RGL3: variants seen among roughly 807,000 people sequenced by gnomAD.
RGL3 encodes the protein ral guanine nucleotide dissociation stimulator-like 3.
RGL3 carries 85 observed loss-of-function variants against 90.6 expected under a neutral mutation model. The ratio of observed to expected loss-of-function variants is 0.94; its 90% confidence interval spans 0.79 to 1.12. The LOEUF is 1.12. RGL3 is among the 50% of genes most tolerant of loss of function. The probability of loss-of-function intolerance (pLI) is 0.00; values close to 1 mark genes in which losing one functional copy is unlikely to be tolerated. For synonymous variants in RGL3, 408 were observed against 385.5 expected, an observed-to-expected ratio of 1.06 and a Z score of -0.68; for missense variants, 1,034 against 939.2, an observed-to-expected ratio of 1.10 and a Z score of -1.32.
At chr19:11,410,949 C>T (rs1168902964) in intron 5 of RGL3, among the ~76,000 whole-genome samples, 1 of 152,066 alleles carries the variant, frequency 6.6e-6, no homozygotes, top group African/African-American at 2.4e-5. Context: ...TGACTCATGT[C>T]TGTAATCCCG....
At chr19:11,406,690 T>C in intron 6 of RGL3, 32 bp downstream of exon 6, 11 of 1,611,310 alleles carry the variant, frequency 6.8e-6, no homozygotes, top group Non-Finnish European at 8.5e-6. Flanking sequence ...CCCCTCACTG[T>C]GGCTCATCCC....
At chr19:11,419,139 G>T in intron 1 of RGL3, 107 bp downstream of exon 1, 3 of 1,276,430 alleles carry the variant, frequency 2.4e-6, no homozygotes, top group Non-Finnish European at 2.2e-6. Context: ...GGGACTCCAG[G>T]GCAAGTTCAG....
chr19:11,418,792 C>A lies in RGL3; in HGVS notation c.34-8G>T. On this transcript the variant is annotated splice_polypyrimidine_tract_variant and splice_region_variant and intron_variant, in intron 1 of 18. Coordinates refer to ENST00000380456, the MANE Select transcript of RGL3 (RefSeq NM_001035223.4). Reference sequence around the variant, plus strand: ...CCAGTCCTGCAGCGGTGCCTGGACGCACAGGCGGACTCAGGGCACCAAAGG... The same window carrying A: ...CCAGTCCTGCAGCGGTGCCTGGACGAACAGGCGGACTCAGGGCACCAAAGG... The A allele has an allele frequency of 6.5e-7, 1 of 1,537,788 alleles. No homozygotes were observed. The highest frequency in any genetic ancestry group is 8.7e-7 in the Non-Finnish European group (1 of 1,144,508).
intron 7 of RGL3, 33 bp downstream of exon 7, chr19:11,406,386 C>T: frequency 2.0e-6 from 3 of 1,517,172 alleles, no homozygotes; most frequent in African/African-American, 1.4e-5. Flanking sequence ...CCAGGGCCCG[C>T]CCCCGCATCC....
chr19:11,396,382 C>T (rs1440733083), intron 18 of RGL3, among the ~76,000 whole-genome samples: 2 of 150,300 alleles, frequency 1.3e-5, no homozygotes, highest in Non-Finnish European at 3.0e-5. Context: ...GTTGGCCAGG[C>T]TGGTCTCGAA....
chr19:11,394,326 G>A lies in RGL3; in HGVS notation c.*76C>T. 1 of 1,115,710 alleles carries A rather than the reference G, an allele frequency of 9.0e-7. No homozygotes were observed. Among genetic ancestry groups the A allele is most frequent in the African/African-American group, 1.5e-5 (1 of 65,344 alleles). The allele number at this position is 1,115,710 out of a possible 1,614,324, so 69.1% of individuals were successfully genotyped here. Reference sequence around the variant, plus strand: ...TACACAGCACAGTGGCCTCTACTGGGGGATGGCAGCTTTCCAGGAGAAGAG... The same window carrying A: ...TACACAGCACAGTGGCCTCTACTGGAGGATGGCAGCTTTCCAGGAGAAGAG... On this transcript the variant is annotated 3_prime_UTR_variant, in exon 19 of 19. Transcript: ENST00000380456.
chr19:11,400,958 C>A (rs896166364), intron 13 of RGL3, among the ~76,000 whole-genome samples: 2 of 151,960 alleles, frequency 1.3e-5, no homozygotes, highest in Admixed American at 6.6e-5. Flanking sequence ...TGGTTAGGGT[C>A]ACAGTTATAT....
chr19:11,394,663 T>C, intron 18 of RGL3, 143 bp from the exon 19 acceptor site: 1 of 647,576 alleles, frequency 1.5e-6, no homozygotes, highest in Non-Finnish European at 2.8e-6. Flanking sequence ...AAGCTCATTC[T>C]GCTGTCACTG....
At chr19:11,401,835 C>T (rs957731794) in intron 13 of RGL3, among the ~76,000 whole-genome samples, 176 bp downstream of exon 13, 31 of 152,156 alleles carry the variant, frequency 2.0e-4, no homozygotes, top group African/African-American at 6.5e-4. Flanking sequence ...AGTAAACCAC[C>T]AGGCCCAGTC....
Position 11,399,846 on chromosome 19 carries a change from T to TCTTGGTAC in RGL3, c.1746+1_1746+8dup, listed in dbSNP as rs780955123. 6.8e-7 allele frequency: 1 copy of TCTTGGTAC among 1,461,170 alleles called. No homozygotes were observed. Among genetic ancestry groups the TCTTGGTAC allele is most frequent in the Admixed American group, 2.5e-5 (1 of 40,102 alleles). The allele number at this position is 1,461,170 out of a possible 1,614,324, so 90.5% of individuals were successfully genotyped here. ...CAGGCCCGCATGCACACACAAGCCG[T>TCTTGGTAC]CTTGGTACCTTGGTGCTGGGGCCCT... On this transcript the variant is annotated intron_variant, in intron 16 of 18. Coordinates refer to ENST00000380456, the MANE Select transcript of RGL3 (RefSeq NM_001035223.4).
rs1392745190 is a variant in RGL3, at chr19:11,397,231, C to T, written c.2014+13G>A. The T allele has an allele frequency of 6.2e-7, 1 of 1,610,812 alleles. No homozygotes were observed. Among genetic ancestry groups the T allele is most frequent in the African/African-American group, 1.3e-5 (1 of 74,854 alleles). On this transcript the variant is annotated intron_variant, in intron 18 of 18. Transcript: ENST00000380456. ...CTGCCCCCTATCCTGAGCTCCAACC[C>T]ATCCCTGCTCACCCCGGTCCCCAGG...
At chr19:11,396,918 T>C (rs1968583281) in intron 18 of RGL3, among the ~76,000 whole-genome samples, 1 of 152,148 alleles carries the variant, frequency 6.6e-6, no homozygotes, top group Middle Eastern at 3.4e-3. Context: ...TCCGCCCAGC[T>C]TGACCTCCCA....
intron 5 of RGL3, among the ~76,000 whole-genome samples, chr19:11,414,157 A>ATATATATACC (rs1968922601): frequency 9.9e-6 from 1 of 101,330 alleles, no homozygotes; most frequent in African/African-American, 3.9e-5. Flanking sequence ...ATATATATAT[A>ATATATATACC]TATATATATA....
chr19:11,400,133 G>T lies in RGL3; in HGVS notation c.1581-25C>A, dbSNP rs1208299572. ...CCTAAGGATGGGGACAGGGGATGAGGCTAAGGCAGGAGCAGCCCTTGCTGA... is the reference window on the plus strand; with the variant it reads ...CCTAAGGATGGGGACAGGGGATGAGTCTAAGGCAGGAGCAGCCCTTGCTGA... On this transcript the variant is annotated intron_variant, in intron 14 of 18. Coordinates refer to ENST00000380456, the MANE Select transcript of RGL3 (RefSeq NM_001035223.4). The T allele has an allele frequency of 2.5e-6, 4 of 1,596,118 alleles. No homozygotes were observed. The East Asian group carries it at 9.1e-5, about 36-fold the overall frequency.
At chr19:11,411,239 A>C (rs1968869973) in intron 5 of RGL3, 2 of 151,734 alleles carry the variant, frequency 1.3e-5, no homozygotes, top group Admixed American at 1.3e-4. Context: ...AAAGAGAAGC[A>C]AACAACCAAA....
chr19:11,398,266 T>C (rs1968612439), intron 16 of RGL3, among the ~76,000 whole-genome samples: 1 of 152,178 alleles, frequency 6.6e-6, no homozygotes, highest in South Asian at 2.1e-4. Context: ...CCACAGCCCA[T>C]GCCAATGAAC....
chr19:11,400,162 C>G, intron 14 of RGL3, 40 bp downstream of exon 14: 1 of 1,570,136 alleles, frequency 6.4e-7, no homozygotes. Flanking sequence ...TTGCTGATAT[C>G]TGCCCACATC....
At chr19:11,395,906 C>A (rs1431479227) in intron 18 of RGL3, among the ~76,000 whole-genome samples, 1 of 149,532 alleles carries the variant, frequency 6.7e-6, no homozygotes, top group Non-Finnish European at 1.5e-5. Flanking sequence ...GGATTACAGG[C>A]GTGAGCCACC....
At chr19:11,403,229 G>A (rs188363789) in intron 9 of RGL3, among the ~76,000 whole-genome samples, 2,519 of 150,990 alleles carry the variant, frequency 0.017, 75 homozygotes, top group African/African-American at 0.058. Flanking sequence ...TAGAGACAGG[G>A]TTTCACTGTG....
Sources: allele counts gnomAD v4.1 joint callset (sites outside exome capture counted in the v4.1 genomes callset), GRCh38; gene constraint gnomAD v4.1.1; transcripts MANE v1.5; gene names NCBI Gene and HGNC (gene_info 2026-07-23, HGNC 2026-07-21).